SLC35F1: variants seen among roughly 807,000 people sequenced by gnomAD.
SLC35F1 encodes the protein solute carrier family 35 member F1.
Under a neutral mutation model 48.7 loss-of-function variants are expected in SLC35F1, and 14 were observed. The observed-to-expected ratio is 0.29, with a 90% confidence interval of 0.19 to 0.45. SLC35F1 has a LOEUF of 0.45. Among genes scored for constraint, SLC35F1 ranks in the 20% least tolerant of loss-of-function variants. The pLI, the probability that SLC35F1 is intolerant of heterozygous loss-of-function variation, is 1.00. For missense variants in SLC35F1, 404 were observed against 500.0 expected (o/e 0.81, Z 1.83); for synonymous variants, 190 against 202.2 (o/e 0.94, Z 0.51).
rs147582609 is a variant in SLC35F1, at chr6:117,944,154, G to T, written c.173+36255G>T. ...ATACTCTTGTTGTCCTATATTTGTG[G>T]TTGCTATTCAAATATAAAACTTGAA... On this transcript the variant is annotated intron_variant, in intron 1 of 7. Transcript: ENST00000360388. Among the ~76,000 whole-genome samples the T allele has an allele frequency of 3.9e-4, 59 of 152,204 alleles. 1 individual carries two copies. In the East Asian group the frequency reaches 0.011, roughly 29 times the overall value.
intron 1 of SLC35F1, among the ~76,000 whole-genome samples, chr6:117,934,509 C>T (rs969955435): frequency 6.6e-6 from 1 of 152,114 alleles, no homozygotes; most frequent in Non-Finnish European, 1.5e-5. Flanking sequence ...CCTCACTTTG[C>T]ACAACGTATT....
At chr6:118,033,203 G>T (rs531679259) in intron 1 of SLC35F1, among the ~76,000 whole-genome samples, 1 of 147,618 alleles carries the variant, frequency 6.8e-6, no homozygotes, top group Non-Finnish European at 1.5e-5. Flanking sequence ...ATGCTCATTT[G>T]CATTTTATTG....
chr6:118,062,570 A>G (rs946758922), intron 1 of SLC35F1, among the ~76,000 whole-genome samples: 2 of 152,184 alleles, frequency 1.3e-5, no homozygotes, highest in Non-Finnish European at 2.9e-5. Flanking sequence ...CACTAAGCTG[A>G]GCAAAATGTT....
chr6:117,989,095 G>A (rs145417279), intron 1 of SLC35F1, among the ~76,000 whole-genome samples: 2 of 152,316 alleles, frequency 1.3e-5, no homozygotes, highest in East Asian at 3.9e-4. Flanking sequence ...ATGATTCGTA[G>A]TCAGTGACTT....
chr6:118,280,787 C>T (rs1200904995), intron 6 of SLC35F1, among the ~76,000 whole-genome samples: 1 of 151,676 alleles, frequency 6.6e-6, no homozygotes, highest in Non-Finnish European at 1.5e-5. Context: ...CTGAGGATCA[C>T]TTGAACCCAG....
intron 1 of SLC35F1, among the ~76,000 whole-genome samples, chr6:117,921,205 T>G (rs1005330161): frequency 6.6e-6 from 1 of 152,168 alleles, no homozygotes; most frequent in Non-Finnish European, 1.5e-5. Flanking sequence ...AGAAGAATGA[T>G]TCATTTTTAA....
chr6:118,200,323 A>C (rs2114534762), intron 2 of SLC35F1, among the ~76,000 whole-genome samples: 1 of 152,306 alleles, frequency 6.6e-6, no homozygotes, highest in African/African-American at 2.4e-5. Flanking sequence ...TATAGTATGG[A>C]CAACTGGGGA....
At chr6:118,211,731 G>A (rs1348744090) in intron 2 of SLC35F1, among the ~76,000 whole-genome samples, 1 of 152,222 alleles carries the variant, frequency 6.6e-6, no homozygotes, top group Non-Finnish European at 1.5e-5. Flanking sequence ...AGTGATGTGA[G>A]CAGGTCATTA....
At chr6:118,195,874 G>A (rs1002762331) in intron 2 of SLC35F1, among the ~76,000 whole-genome samples, 4 of 152,258 alleles carry the variant, frequency 2.6e-5, no homozygotes, top group Admixed American at 1.3e-4. Flanking sequence ...TGGGTCCTGC[G>A]GGTACCTTGA....
intron 1 of SLC35F1, among the ~76,000 whole-genome samples, chr6:118,001,612 A>G (rs1435097494): frequency 6.6e-6 from 1 of 151,948 alleles, no homozygotes; most frequent in African/African-American, 2.4e-5. Flanking sequence ...GATCTAATTA[A>G]ACTAAAGAGC....
intron 2 of SLC35F1, among the ~76,000 whole-genome samples, chr6:118,205,421 T>C (rs749260901): frequency 5.3e-5 from 8 of 152,204 alleles, no homozygotes; most frequent in Admixed American, 2.6e-4. Flanking sequence ...TTGTTGGTCA[T>C]TAGAGAAATG....
chr6:117,997,597 G>A (rs374450420), intron 1 of SLC35F1, among the ~76,000 whole-genome samples: 37 of 152,262 alleles, frequency 2.4e-4, no homozygotes, highest in Admixed American at 6.5e-4. Context: ...TCTACAAGCC[G>A]GAAGAGAGTG....
intron 1 of SLC35F1, among the ~76,000 whole-genome samples, chr6:118,134,358 C>T (rs1773761640): frequency 6.6e-6 from 1 of 152,178 alleles, no homozygotes; most frequent in African/African-American, 2.4e-5. Context: ...GAAACACTTA[C>T]TTTATCATCT....
chr6:117,969,656 A>G (rs180738195), intron 1 of SLC35F1, among the ~76,000 whole-genome samples: 54 of 152,266 alleles, frequency 3.5e-4, no homozygotes, highest in African/African-American at 1.3e-3. Flanking sequence ...TTGAGGGTTC[A>G]GTGAGCTATG....
chr6:117,947,818 G>A (rs537084987), intron 1 of SLC35F1, among the ~76,000 whole-genome samples: 1 of 152,228 alleles, frequency 6.6e-6, no homozygotes, highest in South Asian at 2.1e-4. Context: ...GGAGTCTGGA[G>A]CCTGAGAGAG....
intron 1 of SLC35F1, among the ~76,000 whole-genome samples, chr6:118,086,411 A>G (rs370896151): frequency 2.6e-5 from 4 of 152,140 alleles, no homozygotes; most frequent in African/African-American, 9.7e-5. Flanking sequence ...TGATTTATCG[A>G]GGTTAGGATA....
intron 3 of SLC35F1, among the ~76,000 whole-genome samples, chr6:118,240,827 G>C (rs553801788): frequency 6.6e-6 from 1 of 152,162 alleles, no homozygotes; most frequent in Non-Finnish European, 1.5e-5. Flanking sequence ...ATGAGGTTCC[G>C]AGCAGGGTCG....
intron 1 of SLC35F1, among the ~76,000 whole-genome samples, chr6:117,939,408 C>T (rs1776201467): frequency 6.6e-6 from 1 of 152,176 alleles, no homozygotes; most frequent in Non-Finnish European, 1.5e-5. Flanking sequence ...GTGAGTTTTG[C>T]ATTTATTTAT....
chr6:118,163,422 ACT>A (rs1774269289), intron 2 of SLC35F1, among the ~76,000 whole-genome samples: 2 of 67,030 alleles, frequency 3.0e-5, no homozygotes, highest in South Asian at 1.4e-3. Flanking sequence ...ACACACTCAC[ACT>A]CACACACACA....
Sources: gnomAD v4.1 joint callset for allele counts (sites outside exome capture counted in the v4.1 genomes callset) on GRCh38, gnomAD v4.1.1 for gene constraint, MANE v1.5 for transcripts, NCBI Gene and HGNC (gene_info 2026-07-23, HGNC 2026-07-21) for gene names.